ST3GAL1: variants seen among roughly 807,000 people sequenced by gnomAD.
The protein encoded by ST3GAL1 is ST3 beta-galactoside alpha-2,3-sialyltransferase 1.
A neutral mutation model predicts 34.1 loss-of-function variants in ST3GAL1; 16 were observed. The ratio of observed to expected loss-of-function variants is 0.47; its 90% CI spans 0.32 to 0.71. The LOEUF is 0.71. Among genes scored for constraint, ST3GAL1 ranks in the 30% least tolerant of loss-of-function variants. The pLI is 0.04. For synonymous variants in ST3GAL1, 191 were observed against 184.7 expected (o/e 1.03, Z -0.28); for missense variants, 353 against 447.4 (o/e 0.79, Z 1.90).
chr8:133,455,633 TATA>T lies in ST3GAL1; in HGVS notation c.*4128_*4130del, dbSNP rs1467698695. ...CTGCAAACCAGATGTCTGCGATGGA[TATA>T]ATGATACCCCCGGGGCTCTTCTCAG... On this transcript the variant is annotated 3_prime_UTR_variant, in exon 10 of 10. Transcript: ENST00000522652. The T allele has an allele frequency of 1.3e-5, 2 of 152,308 alleles. No individual in the cohort carries two copies. Among genetic ancestry groups the T allele is most frequent in the African/African-American group, 2.4e-5 (1 of 41,432 alleles). The allele number at this position is 152,308 out of a possible 1,614,324, so 9.4% of individuals were successfully genotyped here.
intron 3 of ST3GAL1, among the ~76,000 whole-genome samples, chr8:133,492,939 A>G (rs1468607002): frequency 6.6e-6 from 1 of 152,152 alleles, no homozygotes; most frequent in Admixed American, 6.5e-5. Context: ...CCTCCGTCCA[A>G]TAAGGAGGCG....
chr8:133,549,782 G>A (rs1204234411), intron 1 of ST3GAL1, among the ~76,000 whole-genome samples: 5 of 152,092 alleles, frequency 3.3e-5, no homozygotes, highest in Admixed American at 6.6e-5. Context: ...GACCAACGTG[G>A]AGAAACCCTG....
In ST3GAL1 at chr8:133,508,174, T is replaced by C. The variant is rs1265687890; in HGVS notation, c.-428-8985A>G. Among the ~76,000 whole-genome samples, 1 of 152,160 alleles carries C rather than the reference T, an allele frequency of 6.6e-6. No homozygotes were observed. Among genetic ancestry groups the C allele is most frequent in the African/African-American group, 2.4e-5 (1 of 41,430 alleles). On this transcript the variant is annotated intron_variant, in intron 2 of 9. Transcript: ENST00000522652. This position sits in a 1 kb window ranked among gnomAD's most constrained non-coding sequence, Gnocchi z 4.1. ...CCAACAGCGTGGAGGCACACTCATT[T>C]CTCTTCCCTACTGCCACCTGGAGTC...
chr8:133,535,544 A>C (rs1375740041), intron 2 of ST3GAL1, among the ~76,000 whole-genome samples: 1 of 129,572 alleles, frequency 7.7e-6, no homozygotes, highest in South Asian at 2.2e-4. Context: ...TTTAGAAACA[A>C]GGTCTCGCTC....
intron 3 of ST3GAL1, among the ~76,000 whole-genome samples, chr8:133,478,968 GAGAA>G (rs1816282291): frequency 6.6e-6 from 1 of 152,146 alleles, no homozygotes; most frequent in South Asian, 2.1e-4. Flanking sequence ...AGGGAGAACT[GAGAA>G]AGAAAGCACA....
intron 3 of ST3GAL1, among the ~76,000 whole-genome samples, chr8:133,496,643 C>G (rs751071928): frequency 6.6e-5 from 10 of 152,204 alleles, no homozygotes; most frequent in Non-Finnish European, 1.5e-4. Context: ...GATGAGACCA[C>G]AGCACCTGAG....
rs1171957423 is a variant in ST3GAL1 at position 133,571,255 on chromosome 8, G to A, written c.-582+438C>T. ...GCGCCTGAGCCCGGCCACCCAGCGA[G>A]GTCTCCTCCCACGGGCGGCCCCAGC... On this transcript the variant is annotated intron_variant, in intron 1 of 9. Coordinates refer to ENST00000522652, the MANE Select transcript of ST3GAL1 (RefSeq NM_173344.3). The surrounding 1 kb of genome is among the most constrained non-coding windows in gnomAD (Gnocchi z 6.7). Among the ~76,000 whole-genome samples the A allele has an allele frequency of 6.6e-6, 1 of 152,160 alleles. No individual in the cohort carries two copies. Among genetic ancestry groups the A allele is most frequent in the Non-Finnish European group, 1.5e-5 (1 of 68,018 alleles).
intron 2 of ST3GAL1, chr8:133,515,486 T>C (rs1817617221): frequency 6.6e-6 from 1 of 152,134 alleles, no homozygotes; most frequent in African/African-American, 2.4e-5. Flanking sequence ...TTCTCAAGGG[T>C]TCTCATTGTT....
intron 1 of ST3GAL1, among the ~76,000 whole-genome samples, chr8:133,557,151 T>A (rs1819061866): frequency 6.6e-6 from 1 of 152,014 alleles, no homozygotes; most frequent in Non-Finnish European, 1.5e-5. Context: ...GACCAGTATG[T>A]GGTATTTCCT....
chr8:133,562,794 TTTCCTTCCTTCCTTCCTTCC>T lies in ST3GAL1; in HGVS notation c.-582+8879_-582+8898del, dbSNP rs772597674. On this transcript the variant is annotated intron_variant, in intron 1 of 9. Coordinates refer to ENST00000522652, the MANE Select transcript of ST3GAL1 (RefSeq NM_173344.3). The stretch of plus-strand genomic sequence containing the variant: ...AGAAAAGGGTTTCTTTCTTTCTTTC[TTTCCTTCCTTCCTTCCTTCC>T]TTCCTTCCTTCCTTCCTTCCTTCCT... Among the ~76,000 whole-genome samples, 54 of 108,604 alleles carry T rather than the reference TTTCCTTCCTTCCTTCCTTCC, an allele frequency of 5.0e-4. No individual in the cohort carries two copies. In the East Asian group the frequency reaches 5.8e-3, roughly 12 times the overall value. 71.2% of individuals were successfully genotyped at this position (108,604 alleles called of 152,430 possible). A position where few individuals can be genotyped will look rare whatever the true frequency, so the allele number is the denominator to read the frequency against.
intron 1 of ST3GAL1, among the ~76,000 whole-genome samples, chr8:133,566,377 CCT>C (rs1480586761): frequency 2.0e-5 from 3 of 152,208 alleles, no homozygotes; most frequent in Admixed American, 2.0e-4. Flanking sequence ...TCAGTCAACT[CCT>C]CTGTCTCCCG....
intron 1 of ST3GAL1, among the ~76,000 whole-genome samples, chr8:133,548,746 G>A (rs942082484): frequency 3.3e-5 from 5 of 152,136 alleles, no homozygotes; most frequent in South Asian, 4.1e-4. Flanking sequence ...ACTAAGCACC[G>A]GGCATCACCT....
At chr8:133,537,203 G>C (rs1818336681) in intron 2 of ST3GAL1, among the ~76,000 whole-genome samples, 3 of 152,176 alleles carry the variant, frequency 2.0e-5, no homozygotes, top group Non-Finnish European at 4.4e-5. Flanking sequence ...AAAGGATACA[G>C]ATAGAGAGAT....
chr8:133,554,320 C>A (rs1818944039), intron 1 of ST3GAL1, among the ~76,000 whole-genome samples: 1 of 152,310 alleles, frequency 6.6e-6, no homozygotes, highest in South Asian at 2.1e-4. Flanking sequence ...CCTATGCTCC[C>A]TTGCAGCGAA....
intron 2 of ST3GAL1, among the ~76,000 whole-genome samples, 190 bp downstream of exon 2, chr8:133,545,584 G>T (rs1427953308): frequency 6.6e-6 from 1 of 152,154 alleles, no homozygotes; most frequent in African/African-American, 2.4e-5. Flanking sequence ...TTCTCCTGAG[G>T]GACACTGTAT....
chr8:133,494,056 G>C (rs1285874246), intron 3 of ST3GAL1, among the ~76,000 whole-genome samples: 1 of 152,138 alleles, frequency 6.6e-6, no homozygotes, highest in Non-Finnish European at 1.5e-5. Flanking sequence ...AACATTAATA[G>C]CTTCTCAGTG....
intron 7 of ST3GAL1, among the ~76,000 whole-genome samples, chr8:133,464,334 T>C (rs56121321): frequency 0.19 from 29,584 of 152,134 alleles, 3,448 homozygotes; most frequent in African/African-American, 0.33. Context: ...TCAGCACTGC[T>C]TGCCCTGGGG....
At chr8:133,532,699 C>G (rs1818192562) in intron 2 of ST3GAL1, among the ~76,000 whole-genome samples, 1 of 152,164 alleles carries the variant, frequency 6.6e-6, no homozygotes, top group Admixed American at 6.5e-5. Context: ...TCTGCTGTTC[C>G]TCAGTACCGA....
chr8:133,475,173 G>T (rs895529648), intron 5 of ST3GAL1, among the ~76,000 whole-genome samples: 4 of 152,232 alleles, frequency 2.6e-5, no homozygotes, highest in Non-Finnish European at 5.9e-5. Flanking sequence ...AGGGATACAG[G>T]GAGGAAGGCC....
Sources: allele counts gnomAD v4.1 joint callset (sites outside exome capture counted in the v4.1 genomes callset), GRCh38; gene constraint gnomAD v4.1.1; non-coding constraint Gnocchi (gnomAD v3.1); transcripts MANE v1.5; gene names NCBI Gene and HGNC (gene_info 2026-07-23, HGNC 2026-07-21).